SUPT16H: variants seen among roughly 807,000 people sequenced by gnomAD.
SUPT16H encodes the protein SPT16 homolog, facilitates chromatin remodeling subunit, also known as FACT complex subunit SPT16.
In SUPT16H, 24 loss-of-function variants were observed where a neutral mutation model predicts 136.2. That is an observed-to-expected ratio of 0.18 (90% CI 0.13 to 0.25). SUPT16H has a LOEUF of 0.25. SUPT16H is among the 10% of genes least tolerant of loss of function. The pLI is 1.00. For synonymous variants in SUPT16H, 415 were observed against 428.2 expected (o/e 0.97, Z 0.38); for missense variants, 623 against 1,270.2 (o/e 0.49, Z 7.74).
chr14:21,353,814 C>G lies in SUPT16H; in HGVS notation c.2809G>C (p.Gly937Arg). The change falls in exon 24 of 26, where the codon GGG becomes CGG. Residue 937 changes from glycine (G) to arginine (R), a missense_variant. Around this residue, in one of 7 missense-constraint regions of SUPT16H, gnomAD observed 88 missense variants for 135.5 expected, o/e 0.65. Coordinates refer to ENST00000216297, the MANE Select transcript of SUPT16H (RefSeq NM_007192.4). ...TCTTCAATTTCAGACTCTGAATCCC[C>G]TTCTTCAGCATCACTCCCCTGGTGA... is the stretch of plus-strand genomic sequence containing the variant. ...PEGEGSDAEEGDSESEIEDET... is the reference protein window; with the variant it reads ...PEGEGSDAEERDSESEIEDET... The G allele has an allele frequency of 1.9e-6, 3 of 1,613,602 alleles. No homozygotes were observed. The highest frequency in any genetic ancestry group is 2.5e-6 in the Non-Finnish European group (3 of 1,179,850).
rs1886334310 is a variant in SUPT16H, at chr14:21,352,503, G to C, written c.*170C>G. 9.5e-7 allele frequency: 1 copy of C among 1,050,506 alleles called. No homozygotes were observed. Among genetic ancestry groups the C allele is most frequent in the African/African-American group, 1.6e-5 (1 of 62,886 alleles). The allele number at this position is 1,050,506 out of a possible 1,614,324, so 65.1% of individuals were successfully genotyped here. On this transcript the variant is annotated 3_prime_UTR_variant, in exon 26 of 26. Coordinates refer to ENST00000216297, the MANE Select transcript of SUPT16H (RefSeq NM_007192.4). The stretch of plus-strand genomic sequence containing the variant: ...GGGGCCATTGGCACGTGTCCTGGTG[G>C]GCCTGGAATTCCCCGAGTAGATTGG...
chr14:21,361,895 G>A (rs1886564672), intron 15 of SUPT16H, among the ~76,000 whole-genome samples: 1 of 152,082 alleles, frequency 6.6e-6, no homozygotes, highest in South Asian at 2.1e-4. Flanking sequence ...AGCCTCCACA[G>A]TAGCTGGATG....
chr14:21,363,653 C>T, intron 10 of SUPT16H, 150 bp from the exon 11 acceptor site: 1 of 691,560 alleles, frequency 1.4e-6, no homozygotes, highest in Non-Finnish European at 2.4e-6. Context: ...TAACCTCTAA[C>T]CTCTCGTCAG....
intron 3 of SUPT16H, among the ~76,000 whole-genome samples, chr14:21,370,914 T>C (rs1886772574): frequency 6.6e-6 from 1 of 152,152 alleles, no homozygotes; most frequent in South Asian, 2.1e-4. Context: ...CAGCTGGGAT[T>C]ACAGGTGTGT....
chr14:21,362,172 G>C, intron 15 of SUPT16H, 25 bp downstream of exon 15: 1 of 1,607,870 alleles, frequency 6.2e-7, no homozygotes, highest in Non-Finnish European at 8.5e-7. Flanking sequence ...GATGAATCTG[G>C]GTATGACTTT....
chr14:21,371,894 T>A lies in SUPT16H; in HGVS notation c.310A>T (p.Thr104Ser). 6.2e-6 allele frequency: 10 copies of A among 1,614,064 alleles called. No homozygotes were observed. The highest frequency in any genetic ancestry group is 8.5e-6 in the Non-Finnish European group (10 of 1,179,984). The change falls in exon 3 of 26, where the codon ACA (threonine) becomes TCA (serine). Residue 104 changes from threonine (T) to serine (S), a missense_variant. Thr to Ser is a moderately conservative substitution (Grantham distance 58). Coordinates refer to ENST00000216297, the MANE Select transcript of SUPT16H (RefSeq NM_007192.4). Reference protein sequence around the residue: ...NENANGAPAITLLIREKNESN... With the variant: ...NENANGAPAISLLIREKNESN... ...CTGACCTTTTCTCGTATTAGCAGTG[T>A]GATGGCAGGGGCTCCATTAGCATTC...
At chr14:21,377,044 G>A (rs966021253) in intron 1 of SUPT16H, among the ~76,000 whole-genome samples, 15 of 149,010 alleles carry the variant, frequency 1.0e-4, no homozygotes, top group African/African-American at 2.7e-4. Context: ...TCCAGCCTGG[G>A]CGACAGTGAG....
At chr14:21,358,110 A>T in intron 20 of SUPT16H, 108 bp from the exon 21 acceptor site, 1 of 1,008,284 alleles carries the variant, frequency 9.9e-7, no homozygotes, top group South Asian at 1.5e-5. Flanking sequence ...CAGCATACTC[A>T]CTGGAGACTC....
intron 1 of SUPT16H, chr14:21,383,135 A>T (rs888447586): frequency 6.4e-6 from 1 of 155,244 alleles, no homozygotes; most frequent in African/African-American, 2.4e-5. Context: ...TTAACTGTGG[A>T]CGTTTTTAGA....
Position 21,361,086 on chromosome 14 carries a change from CTT to C in SUPT16H, c.1919_1920del (p.Lys640ArgfsTer19), listed in dbSNP as rs1299444745. Reference sequence around the variant, plus strand: ...CCTGTGTTCAGGCTCACCTCCTTCTCTTTCTCTTCAGCTTCTCGAGTTTTATA... The same window carrying C: ...CCTGTGTTCAGGCTCACCTCCTTCTCTCTCTTCAGCTTCTCGAGTTTTATA... The part of the protein sequence containing the change: ...KRYKTREAEE[K>X]EKEGIVKQDS... On this transcript the variant is annotated frameshift_variant, in exon 16 of 26. Transcript: ENST00000216297. LOFTEE classifies it high-confidence loss of function. 1 of 1,613,670 alleles carries C rather than the reference CTT, an allele frequency of 6.2e-7. No individual in the cohort carries two copies. The highest frequency in any genetic ancestry group is 1.3e-5 in the African/African-American group (1 of 74,848).
intron 10 of SUPT16H, 112 bp from the exon 11 acceptor site, chr14:21,363,615 C>T: frequency 1.1e-6 from 1 of 872,780 alleles, no homozygotes; most frequent in South Asian, 1.6e-5. Flanking sequence ...AAATGTTTGA[C>T]AATGAATAAA....
chr14:21,364,316 A>G (rs1886619721), intron 10 of SUPT16H, among the ~76,000 whole-genome samples: 1 of 152,094 alleles, frequency 6.6e-6, no homozygotes, highest in Admixed American at 6.5e-5. Context: ...GCAAATCCTT[A>G]GAGAGAACGC....
chr14:21,384,004 A>T lies in SUPT16H; in HGVS notation c.-77T>A. The T allele has an allele frequency of 6.5e-7, 1 of 1,536,648 alleles. No homozygotes were observed. The highest frequency in any genetic ancestry group is 9.0e-7 in the Non-Finnish European group (1 of 1,111,728). Reference sequence around the variant, plus strand: ...CTCAGCCACCCGCTCTCGGCCCAGGAATCCCGCACTCTCCCAATGACCCGG... The same window carrying T: ...CTCAGCCACCCGCTCTCGGCCCAGGTATCCCGCACTCTCCCAATGACCCGG... On this transcript the variant is annotated 5_prime_UTR_variant, in exon 1 of 26. Transcript: ENST00000216297.
In SUPT16H at chr14:21,369,773, T is replaced by C. The variant is rs1486628749; in HGVS notation, c.607A>G (p.Met203Val). ...ACCTCATCTGCATCAACTATTTCCA[T>C]GACTCTTTCCTTGAAGAATTTGTTG... The part of the protein sequence containing the change: ...VFNKFFKERV[M>V]EIVDADEKVR... Residue 203 changes from methionine (M) to valine (V), a missense_variant, in exon 5 of 26, where the codon ATG becomes GTG. Transcript: ENST00000216297. 21 of 1,613,952 alleles carry C rather than the reference T, an allele frequency of 1.3e-5. No homozygotes were observed. The highest frequency in any genetic ancestry group is 1.7e-5 in the Non-Finnish European group (20 of 1,179,936).
intron 22 of SUPT16H, among the ~76,000 whole-genome samples, chr14:21,356,762 T>C (rs973741533): frequency 2.0e-5 from 3 of 149,558 alleles, no homozygotes; most frequent in East Asian, 1.9e-4. Flanking sequence ...CCACCACCAC[T>C]ACAAAATATG....
chr14:21,370,974 G>T (rs1053570480), intron 3 of SUPT16H, among the ~76,000 whole-genome samples: 1 of 151,924 alleles, frequency 6.6e-6, no homozygotes, highest in Non-Finnish European at 1.5e-5. Context: ...ATGGGGTTTT[G>T]TTATCTTGCC....
At chr14:21,370,288 T>C (rs369647942) in intron 4 of SUPT16H, 48 bp downstream of exon 4, 215 of 1,592,932 alleles carry the variant, frequency 1.3e-4, no homozygotes, top group Non-Finnish European at 1.8e-4. Context: ...GCCCATCACA[T>C]TTCTGTCTTC....
intron 1 of SUPT16H, among the ~76,000 whole-genome samples, chr14:21,375,637 A>C (rs1886885060): frequency 6.6e-6 from 1 of 152,320 alleles, no homozygotes; most frequent in African/African-American, 2.4e-5. Flanking sequence ...TCTATCCCCC[A>C]GGCTGGAGTG....
intron 25 of SUPT16H, among the ~76,000 whole-genome samples, chr14:21,353,126 T>A (rs756941199): frequency 6.6e-6 from 1 of 152,226 alleles, no homozygotes; most frequent in Non-Finnish European, 1.5e-5. Context: ...TATAAAGACA[T>A]GCCTAACCTG....
Sources: gnomAD v4.1 joint callset for allele counts (sites outside exome capture counted in the v4.1 genomes callset) on GRCh38, gnomAD v4.1.1 for gene constraint, gnomAD v4.1.1 regional missense constraint, MANE v1.5 for transcripts, NCBI Gene and HGNC (gene_info 2026-07-23, HGNC 2026-07-21) for gene names.